The following DST variants were observed in gnomAD, a reference collection of about 807,000 sequenced individuals.
DST encodes the protein dystonin.
Under a neutral mutation model 875.2 loss-of-function variants are expected in DST, and 253 were observed. That is an observed-to-expected ratio of 0.29 (90% CI 0.26 to 0.32). The LOEUF is 0.32. Ranked by LOEUF, DST falls within the 10% of genes least tolerant of loss-of-function variation. DST has a pLI of 1.00. For missense variants in DST, 8,287 were observed against 9,111.6 expected (o/e 0.91, Z 3.68); for synonymous variants, 3,124 against 3,197.1 (o/e 0.98, Z 0.77).
At chr6:56,891,677 T>G (rs1192327262) in intron 3 of DST, among the ~76,000 whole-genome samples, 2 of 151,234 alleles carry the variant, frequency 1.3e-5, no homozygotes, top group African/African-American at 4.9e-5. Flanking sequence ...GAGGCTGCAG[T>G]GAGCCGTGAT....
chr6:56,525,512 AAATT>A (rs1259449785), intron 69 of DST, among the ~76,000 whole-genome samples: 1 of 152,208 alleles, frequency 6.6e-6, no homozygotes, highest in East Asian at 1.9e-4. Flanking sequence ...CAACATTAGA[AAATT>A]AATTCTGGAT....
At chr6:56,773,905 G>A (rs2099672542) in intron 4 of DST, among the ~76,000 whole-genome samples, 1 of 151,940 alleles carries the variant, frequency 6.6e-6, no homozygotes, top group South Asian at 2.1e-4. Context: ...ATCATTTGAG[G>A]TCAGGAGTTC....
intron 12 of DST, 136 bp from the exon 13 acceptor site, chr6:56,648,825 A>C (rs1476080803): frequency 9.5e-6 from 7 of 735,278 alleles, no homozygotes; most frequent in Non-Finnish European, 1.5e-5. Flanking sequence ...ATGTTTTCTT[A>C]CTTTCACCCA....
At chr6:56,885,053 A>C (rs1333966697) in intron 3 of DST, among the ~76,000 whole-genome samples, 1 of 152,068 alleles carries the variant, frequency 6.6e-6, no homozygotes, top group African/African-American at 2.4e-5. Flanking sequence ...TCAGGTCTGG[A>C]ATCAGCCATT....
At chr6:56,585,141 A>G (rs1175921015) in intron 49 of DST, among the ~76,000 whole-genome samples, 1 of 151,424 alleles carries the variant, frequency 6.6e-6, no homozygotes, top group African/African-American at 2.4e-5. Flanking sequence ...CTCTTTTTCT[A>G]TTGATTGGAC....
chr6:56,530,599 T>A (rs2096879978), intron 64 of DST, among the ~76,000 whole-genome samples: 1 of 152,214 alleles, frequency 6.6e-6, no homozygotes, highest in Admixed American at 6.5e-5. Context: ...CATACATAGC[T>A]TCTTCCTCCT....
At chr6:56,583,033 G>C (rs1005551238) in intron 49 of DST, among the ~76,000 whole-genome samples, 2 of 152,138 alleles carry the variant, frequency 1.3e-5, no homozygotes, top group Non-Finnish European at 1.5e-5. Flanking sequence ...CTTTGCTATT[G>C]TGAATAGTGC....
chr6:56,493,917 T>C lies in DST; in HGVS notation c.20394+93A>G, dbSNP rs573849519. On this transcript the variant is annotated intron_variant, in intron 83 of 103. Coordinates refer to ENST00000680361, the MANE Select transcript of DST (RefSeq NM_001374736.1). ...TGTTTAAACATAAATCATTGAAAGTTCTACTCCTGATAGCTCTACTCAGAA... is the reference window on the plus strand; with the variant it reads ...TGTTTAAACATAAATCATTGAAAGTCCTACTCCTGATAGCTCTACTCAGAA... 5 of 993,156 alleles carry C rather than the reference T, an allele frequency of 5.0e-6. No individual in the cohort carries two copies. In the South Asian group the frequency reaches 1.6e-4, roughly 31 times the overall value. 61.5% of individuals were successfully genotyped at this position (993,156 alleles called of 1,614,324 possible).
At chr6:56,892,966 C>T (rs1788312077) in intron 3 of DST, among the ~76,000 whole-genome samples, 1 of 151,998 alleles carries the variant, frequency 6.6e-6, no homozygotes. Context: ...TCAGTTCATC[C>T]TCATGACTCT....
chr6:56,659,936 A>C (rs115173091), intron 10 of DST, among the ~76,000 whole-genome samples: 4,481 of 152,298 alleles, frequency 0.029, 80 homozygotes, highest in Non-Finnish European at 0.041. Context: ...TGTGTTGAAC[A>C]GCAGCAGCGG....
chr6:56,500,988 G>GA, intron 80 of DST, 92 bp downstream of exon 80: 1 of 1,262,872 alleles, frequency 7.9e-7, no homozygotes, highest in Non-Finnish European at 1.1e-6. Context: ...TCATAAACTT[G>GA]AAACACGCAT....
intron 3 of DST, 53 bp from the exon 4 acceptor site, chr6:56,851,657 C>T: frequency 1.3e-6 from 2 of 1,581,582 alleles, no homozygotes; most frequent in Non-Finnish European, 1.7e-6. Flanking sequence ...CACATATGCT[C>T]AATGATTTAA....
chr6:56,712,460 C>G (rs889771982), intron 5 of DST, among the ~76,000 whole-genome samples: 35 of 152,102 alleles, frequency 2.3e-4, no homozygotes, highest in Non-Finnish European at 3.4e-4. Context: ...AAAACCTAAT[C>G]AAGGAAACAA....
intron 4 of DST, among the ~76,000 whole-genome samples, chr6:56,842,812 AAAC>A (rs1342672122): frequency 8.5e-5 from 13 of 152,284 alleles, no homozygotes; most frequent in African/African-American, 3.1e-4. Flanking sequence ...TGCTTCTTGG[AAAC>A]AACCCCCTTC....
chr6:56,716,485 T>C (rs2099394974), intron 5 of DST, among the ~76,000 whole-genome samples: 1 of 152,238 alleles, frequency 6.6e-6, no homozygotes, highest in Non-Finnish European at 1.5e-5. Flanking sequence ...AAAGATTTCT[T>C]ATGTATGATA....
At chr6:56,901,462 G>T (rs943513327) in intron 2 of DST, among the ~76,000 whole-genome samples, 2 of 152,222 alleles carry the variant, frequency 1.3e-5, no homozygotes, top group African/African-American at 4.8e-5. Flanking sequence ...GGTCATGCTG[G>T]TGGACGCCAG....
At position 56,458,501 on chromosome 6, in the gene DST, G is replaced by T. The variant is rs2094171734; in HGVS notation, c.*504C>A. ...TGGCAAGTGCTTGAAGTAACTTCCTGTGAGTTCTCTGTCAGATACTGCAAA... is the reference window on the plus strand; with the variant it reads ...TGGCAAGTGCTTGAAGTAACTTCCTTTGAGTTCTCTGTCAGATACTGCAAA... On this transcript the variant is annotated 3_prime_UTR_variant, in exon 104 of 104. Coordinates refer to ENST00000680361, the MANE Select transcript of DST (RefSeq NM_001374736.1). The T allele has an allele frequency of 6.6e-6, 1 of 152,542 alleles. No individual in the cohort carries two copies. Among genetic ancestry groups the T allele is most frequent in the Non-Finnish European group, 1.5e-5 (1 of 68,190 alleles). 9.4% of individuals were successfully genotyped at this position (152,542 alleles called of 1,614,324 possible).
intron 4 of DST, among the ~76,000 whole-genome samples, chr6:56,783,885 G>C (rs2099699655): frequency 6.6e-6 from 1 of 152,110 alleles, no homozygotes; most frequent in Non-Finnish European, 1.5e-5. Flanking sequence ...TCCATGTTTA[G>C]TGCTTCCTTC....
At chr6:56,679,599 TAAAAA>T (rs1165137050) in intron 9 of DST, among the ~76,000 whole-genome samples, 3 of 111,864 alleles carry the variant, frequency 2.7e-5, no homozygotes, top group Non-Finnish European at 1.9e-5. Flanking sequence ...TATGTCTCAT[TAAAAA>T]AAAAAAAAAA....
Sources: allele counts gnomAD v4.1 joint callset (sites outside exome capture counted in the v4.1 genomes callset), GRCh38; gene constraint gnomAD v4.1.1; transcripts MANE v1.5; gene names NCBI Gene and HGNC (gene_info 2026-07-23, HGNC 2026-07-21).